BRCC3: variants seen among roughly 807,000 people sequenced by gnomAD.
BRCC3 encodes lys-63-specific deubiquitinase BRCC36.
In BRCC3, 15 loss-of-function variants were observed where a neutral mutation model predicts 28.0. The observed-to-expected ratio is 0.54, with a 90% confidence interval of 0.36 to 0.82. The LOEUF is 0.82. BRCC3 is among the 40% of genes least tolerant of loss of function. The probability of loss-of-function intolerance (pLI) is 0.01; values close to 1 mark genes in which losing one functional copy is unlikely to be tolerated. For missense variants in BRCC3, 109 were observed against 225.9 expected (o/e 0.48, Z 3.32); for synonymous variants, 66 against 80.3 (o/e 0.82, Z 0.95).
chrX:155,122,862 A>G lies in BRCC3; in HGVS notation c.*1658A>G, dbSNP rs1176141863. ...GGACTGGAGGGGGTGTGGGGTATGT[A>G]TGACTATAAAGGGATGACGCAAGGA... On this transcript the variant is annotated 3_prime_UTR_variant, in exon 11 of 11. Transcript: ENST00000330045. 1 of 111,724 alleles carries G rather than the reference A, an allele frequency of 9.0e-6. No homozygotes were observed. The highest frequency in any genetic ancestry group is 2.8e-4 in the East Asian group (1 of 3,605). 9.2% of individuals were successfully genotyped at this position (111,724 alleles called of 1,213,427 possible).
At position 155,121,794 on chromosome X, in the gene BRCC3, CAT is replaced by C. The variant is rs1368207640; in HGVS notation, c.*595_*596del. 1.2e-4 allele frequency: 13 copies of C among 111,585 alleles called. No homozygotes were observed. Among genetic ancestry groups the C allele is most frequent in the Admixed American group, 3.8e-4 (4 of 10,551 alleles). 9.2% of individuals were successfully genotyped at this position (111,585 alleles called of 1,213,427 possible). ...TACAGATTGAGATGAATTTGCAAAC[CAT>C]ATATCTGATCAATTTGGAATATATA... On this transcript the variant is annotated 3_prime_UTR_variant, in exon 11 of 11. Transcript: ENST00000330045.
At chrX:155,113,207 A>G (rs1418281589) in intron 7 of BRCC3, among the ~76,000 whole-genome samples, 1 of 87,882 alleles carries the variant, frequency 1.1e-5, no homozygotes, top group Non-Finnish European at 2.1e-5. Context: ...ATCTCGGGGG[A>G]CCTTGAATAG....
chrX:155,072,913 A>C (rs782111933), intron 2 of BRCC3, among the ~76,000 whole-genome samples: 2 of 110,676 alleles, frequency 1.8e-5, no homozygotes, highest in African/African-American at 6.6e-5. Flanking sequence ...GATATCAGTA[A>C]TTTTCTTAGT....
chrX:155,093,082 C>T (rs1187520766), intron 7 of BRCC3, among the ~76,000 whole-genome samples: 1 of 110,499 alleles, frequency 9.0e-6, no homozygotes, highest in Non-Finnish European at 1.9e-5. Context: ...TTTTAGGTAT[C>T]TCTCTTTATT....
At chrX:155,072,486 C>T (rs2073993614) in intron 2 of BRCC3, 143 bp downstream of exon 2, 1 of 459,631 alleles carries the variant, frequency 2.2e-6, no homozygotes, top group South Asian at 3.5e-5. Flanking sequence ...AATGATACAA[C>T]CTTGAACTTT....
At chrX:155,102,443 C>T (rs2074251973) in intron 7 of BRCC3, among the ~76,000 whole-genome samples, 1 of 112,103 alleles carries the variant, frequency 8.9e-6, no homozygotes, top group Non-Finnish European at 1.9e-5. Context: ...ATCCTACAAC[C>T]TTGCTAAATT....
intron 7 of BRCC3, among the ~76,000 whole-genome samples, chrX:155,102,130 A>G (rs2074250323): frequency 8.9e-6 from 1 of 112,600 alleles, no homozygotes; most frequent in Admixed American, 9.4e-5. Context: ...GAACATTTGT[A>G]TATAGGTCTT....
chrX:155,116,159 G>A lies in BRCC3; in HGVS notation c.651G>A (p.Glu217=). The change falls in exon 8 of 11, where the codon GAG becomes GAA. Residue 217 remains glutamate (E), a synonymous_variant. Coordinates refer to ENST00000330045, the MANE Select transcript of BRCC3 (RefSeq NM_001018055.3). ...AGCTGCCCAAGATCCTGTGCCAGGA[G>A]GAGCAGGATGCGTATAGGAGGATCC... ...AVELPKILCQ[E]EQDAYRRIHS... 1 of 1,199,164 alleles carries A rather than the reference G, an allele frequency of 8.3e-7. No individual in the cohort carries two copies. Among genetic ancestry groups the A allele is most frequent in the South Asian group, 1.8e-5 (1 of 55,142 alleles).
chrX:155,097,953 G>A (rs991069777), intron 7 of BRCC3, among the ~76,000 whole-genome samples: 21 of 111,332 alleles, frequency 1.9e-4, no homozygotes, highest in Non-Finnish European at 3.6e-4. Context: ...CCGAGATGGC[G>A]CCAGAGTGAG....
intron 5 of BRCC3, among the ~76,000 whole-genome samples, chrX:155,086,057 G>C (rs961842649): frequency 2.3e-4 from 26 of 111,475 alleles, no homozygotes; most frequent in African/African-American, 8.2e-4. Flanking sequence ...TACCCTGCCT[G>C]GTCATGCCCA....
chrX:155,078,849 T>A (rs1397702338), intron 5 of BRCC3, 146 bp downstream of exon 5: 4 of 404,682 alleles, frequency 9.9e-6, no homozygotes, highest in Non-Finnish European at 1.3e-5. Context: ...TATTATGTAT[T>A]AAAAGTAATG....
intron 5 of BRCC3, among the ~76,000 whole-genome samples, chrX:155,085,330 C>T (rs782422420): frequency 8.9e-6 from 1 of 112,792 alleles, no homozygotes; most frequent in African/African-American, 3.2e-5. Context: ...CACAAAATCA[C>T]AGATTCTTCA....
intron 3 of BRCC3, among the ~76,000 whole-genome samples, chrX:155,076,113 G>A (rs1184203621): frequency 8.9e-6 from 1 of 112,291 alleles, no homozygotes; most frequent in Non-Finnish European, 1.9e-5. Flanking sequence ...TTATCACACT[G>A]TAAAGAACTC....
At chrX:155,085,554 G>A (rs1009001433) in intron 5 of BRCC3, among the ~76,000 whole-genome samples, 8 of 112,438 alleles carry the variant, frequency 7.1e-5, no homozygotes, top group East Asian at 5.6e-4. Flanking sequence ...AGCATCTCTC[G>A]TGTACCAGGC....
intron 9 of BRCC3, among the ~76,000 whole-genome samples, chrX:155,119,393 A>G (rs2074376407): frequency 8.9e-6 from 1 of 112,083 alleles, no homozygotes; most frequent in Admixed American, 9.4e-5. Flanking sequence ...AGATACTTAC[A>G]TTAGATGGAA....
intron 9 of BRCC3, 103 bp from the exon 10 acceptor site, chrX:155,119,896 C>T (rs782004193): frequency 4.1e-5 from 28 of 689,131 alleles, no homozygotes; most frequent in Non-Finnish European, 5.5e-5. Context: ...CCAACCCCTT[C>T]TTTCTGTGCT....
At position 155,077,100 on chromosome X, in the gene BRCC3, T is replaced by G. The variant is rs954126604; in HGVS notation, c.196-70T>G. On this transcript the variant is annotated intron_variant, in intron 3 of 10. Coordinates refer to ENST00000330045, the MANE Select transcript of BRCC3 (RefSeq NM_001018055.3). The stretch of plus-strand genomic sequence containing the variant: ...TATCTGATATTATAATAAAATGCAA[T>G]TCTATAGTTGAAGGGGGATGTGTTA... 63 of 954,414 alleles carry G rather than the reference T, an allele frequency of 6.6e-5. No homozygotes were observed. The African/African-American group carries it at 1.2e-3, about 18-fold the overall frequency. The allele number at this position is 954,414 out of a possible 1,213,427, so 78.7% of individuals were successfully genotyped here.
At chrX:155,115,040 C>T (rs141039952) in intron 7 of BRCC3, among the ~76,000 whole-genome samples, 104 of 111,484 alleles carry the variant, frequency 9.3e-4, no homozygotes, top group African/African-American at 3.1e-3. Context: ...TCATCAGAAC[C>T]CTGGGAGGCT....
intron 5 of BRCC3, among the ~76,000 whole-genome samples, chrX:155,086,089 G>A (rs1356568238): frequency 3.6e-5 from 4 of 111,432 alleles, no homozygotes; most frequent in Non-Finnish European, 5.7e-5. Context: ...TTATTCATCT[G>A]CAACACACCT....
Sources: allele counts gnomAD v4.1 joint callset (sites outside exome capture counted in the v4.1 genomes callset), GRCh38; gene constraint gnomAD v4.1.1; transcripts MANE v1.5; gene names NCBI Gene and HGNC (gene_info 2026-07-23, HGNC 2026-07-21).